PDE1A: variants seen among roughly 807,000 people sequenced by gnomAD.
PDE1A encodes dual specificity calcium/calmodulin-dependent 3',5'-cyclic nucleotide phosphodiesterase 1A.
PDE1A carries 35 observed loss-of-function variants against 61.7 expected under a neutral mutation model. The observed-to-expected ratio is 0.57, with a 90% confidence interval of 0.43 to 0.75. The LOEUF (loss-of-function observed/expected upper bound fraction) is 0.75, where lower values mean the gene tolerates loss of function less well. Ranked by LOEUF, PDE1A falls within the 30% of genes least tolerant of loss-of-function variation. The pLI, the probability that PDE1A is intolerant of heterozygous loss-of-function variation, is 0.00. For missense variants in PDE1A, 597 were observed against 630.6 expected, an observed-to-expected ratio of 0.95 and a Z score of 0.57; for synonymous variants, 232 against 213.2, an observed-to-expected ratio of 1.09 and a Z score of -0.77.
intron 13 of PDE1A, among the ~76,000 whole-genome samples, chr2:182,173,237 T>TA (rs1016229089): frequency 6.6e-6 from 1 of 152,154 alleles, no homozygotes; most frequent in East Asian, 1.9e-4. Flanking sequence ...TGTTGAACTT[T>TA]AAAAAAATCA....
chr2:182,599,970 A>T, the PDE1A span, among the ~76,000 whole-genome samples: 1 of 152,228 alleles, frequency 6.6e-6, no homozygotes, highest in African/African-American at 2.4e-5. Flanking sequence ...TGCTACTTCA[A>T]CATGACAGGA....
At chr2:182,414,094 C>G (rs1180203475) in intron 1 of PDE1A, among the ~76,000 whole-genome samples, 2 of 152,000 alleles carry the variant, frequency 1.3e-5, no homozygotes, top group Non-Finnish European at 2.9e-5. Flanking sequence ...GATCACCTAA[C>G]AGAAGACAGT....
intron 2 of PDE1A, among the ~76,000 whole-genome samples, chr2:182,457,482 T>C (rs1404072049): frequency 6.6e-6 from 1 of 151,890 alleles, no homozygotes; most frequent in Non-Finnish European, 1.5e-5. Context: ...AGAATTAAGT[T>C]TGTAGATGGT....
At chr2:182,144,987 C>T (rs939049200), downstream of PDE1A, among the ~76,000 whole-genome samples, 6 of 152,130 alleles carry the variant, frequency 3.9e-5, no homozygotes, top group Admixed American at 3.9e-4. Context: ...CTGATCACTG[C>T]CTGTTGTCTC....
chr2:182,375,866 T>C (rs1351960849), intron 1 of PDE1A, among the ~76,000 whole-genome samples: 1 of 152,200 alleles, frequency 6.6e-6, no homozygotes, highest in Non-Finnish European at 1.5e-5. Flanking sequence ...TCTGTGAACA[T>C]TCAGGCTCAA....
intron 1 of PDE1A, among the ~76,000 whole-genome samples, chr2:182,420,986 G>A (rs1172845091): frequency 1.3e-5 from 2 of 152,110 alleles, no homozygotes; most frequent in East Asian, 1.9e-4. Flanking sequence ...TCACAGAACT[G>A]AGAAGACTAG....
chr2:182,242,011 T>A, intron 2 of PDE1A: 1 of 1,416,506 alleles, frequency 7.1e-7, no homozygotes, highest in South Asian at 1.7e-5. Flanking sequence ...TACTATCTCT[T>A]ATGCAGTGAT....
the PDE1A span, among the ~76,000 whole-genome samples, chr2:182,554,133 G>A: frequency 2.6e-5 from 4 of 152,240 alleles, no homozygotes; most frequent in Admixed American, 6.5e-5. Flanking sequence ...GATGAGACAC[G>A]AGGGCCTGAA....
At chr2:182,236,991 C>A (rs1690071972) in intron 3 of PDE1A, among the ~76,000 whole-genome samples, 1 of 152,140 alleles carries the variant, frequency 6.6e-6, no homozygotes, top group Non-Finnish European at 1.5e-5. Context: ...ATTAAGGTGA[C>A]TCATCCTTGA....
chr2:182,510,145 T>C (rs901192103), intron 2 of PDE1A, among the ~76,000 whole-genome samples: 1 of 152,056 alleles, frequency 6.6e-6, no homozygotes, highest in Admixed American at 6.5e-5. Flanking sequence ...AAAGTCCACG[T>C]TTTTAAATAT....
At chr2:182,560,528 G>T in the PDE1A span, among the ~76,000 whole-genome samples, 519 of 151,304 alleles carry the variant, frequency 3.4e-3, 16 homozygotes, top group Non-Finnish European at 6.9e-4. Flanking sequence ...AAACATACGT[G>T]TGCATGTGTC....
rs536703390 is a variant in PDE1A, at chr2:182,207,129, G to T, written c.777-1064C>A. 4.0e-3 allele frequency among the ~76,000 whole-genome samples: 614 copies of T among 152,310 alleles called. 1 individual carries two copies. Among genetic ancestry groups the T allele is most frequent in the Non-Finnish European group, 5.8e-3 (392 of 68,028 alleles). On this transcript the variant is annotated intron_variant, in intron 7 of 13. Transcript: ENST00000351439. The stretch of plus-strand genomic sequence containing the variant: ...TGGAACTGGGTAATGGGCAGAGGTT[G>T]AAACAGTTTGGAGGGCTCAGAAAAA...
At chr2:182,513,909 T>C (rs1689974867) in intron 2 of PDE1A, among the ~76,000 whole-genome samples, 1 of 152,226 alleles carries the variant, frequency 6.6e-6, no homozygotes, top group African/African-American at 2.4e-5. Context: ...TTTCTAAATA[T>C]ATGCACCCAA....
chr2:182,649,916 A>T, the PDE1A span, among the ~76,000 whole-genome samples: 1 of 152,074 alleles, frequency 6.6e-6, no homozygotes, highest in Non-Finnish European at 1.5e-5. Flanking sequence ...CCTACAAAAA[A>T]ATTTTTTTTT....
chr2:182,481,372 T>A (rs1687691648), intron 2 of PDE1A, among the ~76,000 whole-genome samples: 1 of 151,914 alleles, frequency 6.6e-6, no homozygotes, highest in Admixed American at 6.6e-5. Flanking sequence ...CTTGAATACC[T>A]CCATTCATAT....
intron 1 of PDE1A, among the ~76,000 whole-genome samples, chr2:182,312,095 A>C (rs893064828): frequency 6.6e-6 from 1 of 151,992 alleles, no homozygotes; most frequent in African/African-American, 2.4e-5. Flanking sequence ...CTTTGATGGA[A>C]GTGTCTTTTA....
intron 13 of PDE1A, among the ~76,000 whole-genome samples, chr2:182,170,873 A>T (rs1692146099): frequency 6.6e-6 from 1 of 152,014 alleles, no homozygotes; most frequent in Non-Finnish European, 1.5e-5. Flanking sequence ...GCATCTTAAG[A>T]TGTTTCAAAT....
chr2:182,512,360 T>C (rs1689856738), intron 2 of PDE1A, among the ~76,000 whole-genome samples: 3 of 151,940 alleles, frequency 2.0e-5, no homozygotes, highest in Admixed American at 2.0e-4. Context: ...CCCCCTGAAA[T>C]AATCCAAAAA....
the PDE1A span, among the ~76,000 whole-genome samples, chr2:182,650,626 T>C: frequency 6.6e-6 from 1 of 152,192 alleles, no homozygotes; most frequent in South Asian, 2.1e-4. Flanking sequence ...ATGACAGTAG[T>C]AGTAATAACA....
Sources: gnomAD v4.1 joint callset for allele counts (sites outside exome capture counted in the v4.1 genomes callset) on GRCh38, gnomAD v4.1.1 for gene constraint, MANE v1.5 for transcripts, NCBI Gene and HGNC (gene_info 2026-07-23, HGNC 2026-07-21) for gene names.